The following OTOGL variants were observed in gnomAD, a reference collection of about 807,000 sequenced individuals.
OTOGL encodes otogelin-like protein.
Under a neutral mutation model 318.5 loss-of-function variants are expected in OTOGL, and 285 were observed. The observed-to-expected ratio is 0.89, with a 90% CI of 0.81 to 0.99. The LOEUF is 0.99. Among genes scored for constraint, OTOGL ranks in the 50% least tolerant of loss-of-function variants. The pLI is 0.00. For missense variants in OTOGL, 2,899 were observed against 2,845.6 expected (o/e 1.02, Z -0.43); for synonymous variants, 987 against 936.5 (o/e 1.05, Z -0.99).
intron 22 of OTOGL, among the ~76,000 whole-genome samples, chr12:80,269,257 A>G (rs567891300): frequency 6.6e-6 from 1 of 152,258 alleles, no homozygotes; most frequent in East Asian, 1.9e-4. Flanking sequence ...TGAAAGAAAA[A>G]CTGTATTGGA....
chr12:80,267,792 A>C (rs1454137555), intron 22 of OTOGL, among the ~76,000 whole-genome samples: 3 of 152,084 alleles, frequency 2.0e-5, no homozygotes, highest in Non-Finnish European at 4.4e-5. Flanking sequence ...TATACATAAT[A>C]CATGCATATA....
At chr12:80,239,064 AAACAC>A in intron 10 of OTOGL, 86 bp downstream of exon 10, 1 of 1,355,302 alleles carries the variant, frequency 7.4e-7, no homozygotes, top group Non-Finnish European at 9.7e-7. Context: ...TTTTTAGTGT[AAACAC>A]AACATAATTT....
chr12:80,375,487 G>A (rs904443882), intron 57 of OTOGL, among the ~76,000 whole-genome samples: 4 of 152,206 alleles, frequency 2.6e-5, no homozygotes, highest in Non-Finnish European at 5.9e-5. Context: ...GTCATTTAGT[G>A]ATGAGTGGTA....
chr12:80,355,693 G>T (rs1381549872), intron 46 of OTOGL, 43 bp from the exon 47 acceptor site: 1 of 1,507,966 alleles, frequency 6.6e-7, no homozygotes, highest in Admixed American at 1.9e-5. Context: ...ATTTATTTTA[G>T]TGCCCAGGTT....
intron 32 of OTOGL, among the ~76,000 whole-genome samples, chr12:80,315,364 G>A (rs183307850): frequency 1.3e-5 from 2 of 152,252 alleles, no homozygotes; most frequent in African/African-American, 2.4e-5. Context: ...ATCCAGATTT[G>A]CAATAAGAAA....
chr12:80,188,545 AAAT>A (rs952811334), intron 1 of OTOGL, among the ~76,000 whole-genome samples: 28 of 148,896 alleles, frequency 1.9e-4, no homozygotes, highest in South Asian at 4.2e-4. Context: ...CTCAAAAAAA[AAAT>A]AATAATAATA....
chr12:80,351,659 G>A (rs544955598), intron 44 of OTOGL, among the ~76,000 whole-genome samples: 1 of 152,254 alleles, frequency 6.6e-6, no homozygotes, highest in South Asian at 2.1e-4. Flanking sequence ...ACTTTGGCCT[G>A]TGTCAGAATT....
Position 80,336,302 on chromosome 12 carries a change from G to C in OTOGL, c.4601-111G>C, listed in dbSNP as rs1888395927. On this transcript the variant is annotated intron_variant, in intron 39 of 58. Coordinates refer to ENST00000547103, the MANE Select transcript of OTOGL (RefSeq NM_001378609.3). The stretch of plus-strand genomic sequence containing the variant: ...CTCACAGTATATAACTTTTAGAGTT[G>C]CTTCTTGTCAGACATAATAAGGCTA... The C allele has an allele frequency of 5.2e-6, 7 of 1,345,210 alleles. No individual in the cohort carries two copies. The Middle Eastern group carries it at 8.8e-4, about 169-fold the overall frequency. 83.3% of individuals were successfully genotyped at this position (1,345,210 alleles called of 1,614,324 possible). A position where few individuals can be genotyped will look rare whatever the true frequency, so the allele number is the denominator to read the frequency against.
rs113680888 is a variant in OTOGL, at chr12:80,203,396, A to G, written c.-19-6017A>G. On this transcript the variant is annotated intron_variant, in intron 1 of 58. Coordinates refer to ENST00000547103, the MANE Select transcript of OTOGL (RefSeq NM_001378609.3). ...ACTTATAATCCAGGATAATCTCCCC[A>G]TCTTGAAATCCTTAATCATATCTGT... Among the ~76,000 whole-genome samples, 821 of 151,738 alleles carry G rather than the reference A, an allele frequency of 5.4e-3. 7 individuals carry two copies. Among genetic ancestry groups the G allele is most frequent in the African/African-American group, 0.019 (770 of 41,322 alleles).
chr12:80,241,503 T>C (rs896059296), intron 11 of OTOGL, among the ~76,000 whole-genome samples: 1 of 152,224 alleles, frequency 6.6e-6, no homozygotes, highest in Admixed American at 6.5e-5. Context: ...AGGTAGGCCA[T>C]AGTCCTTATT....
intron 3 of OTOGL, 24 bp downstream of exon 3, chr12:80,210,910 T>A (rs1237244884): frequency 6.9e-7 from 1 of 1,449,520 alleles, no homozygotes. Flanking sequence ...GTTCTTCGTG[T>A]CCTCTAAAAC....
chr12:80,355,587 G>T (rs1889837062), intron 46 of OTOGL, 149 bp from the exon 47 acceptor site: 1 of 622,432 alleles, frequency 1.6e-6, no homozygotes, highest in African/African-American at 1.9e-5. Context: ...TAAGTTAGTG[G>T]TGATGAAAGA....
Position 80,370,616 on chromosome 12 carries a change from A to T in OTOGL, c.6662A>T (p.Lys2221Ile). ...AATTGCACCACATATGAATGTGTTA[A>T]AACTGATGAAGGAGCAATAATTCTG... ...HYNCTTYECVKTDEGAIILNY... is the reference protein window; with the variant it reads ...HYNCTTYECVITDEGAIILNY... Residue 2221 changes from lysine to isoleucine, a missense_variant, in exon 56 of 59, where the codon AAA becomes ATA. By Grantham distance (102) the Lys-to-Ile change is moderately radical (BLOSUM62 -3). Coordinates refer to ENST00000547103, the MANE Select transcript of OTOGL (RefSeq NM_001378609.3). The T allele has an allele frequency of 6.3e-7, 1 of 1,588,992 alleles. No individual in the cohort carries two copies. The highest frequency in any genetic ancestry group is 8.6e-7 in the Non-Finnish European group (1 of 1,165,330).
chr12:80,376,725 G>T (rs1205420674), intron 57 of OTOGL, among the ~76,000 whole-genome samples: 2 of 151,918 alleles, frequency 1.3e-5, no homozygotes, highest in East Asian at 3.9e-4. Flanking sequence ...TATATATGTA[G>T]TTATGCATTA....
intron 1 of OTOGL, among the ~76,000 whole-genome samples, 186 bp downstream of exon 1, chr12:80,099,791 A>C (rs1035118808): frequency 6.6e-6 from 1 of 152,204 alleles, no homozygotes; most frequent in African/African-American, 2.4e-5. Context: ...AAACAGCTCA[A>C]GAATGACCTG....
intron 1 of OTOGL, among the ~76,000 whole-genome samples, chr12:80,153,110 C>T (rs563317283): frequency 4.2e-4 from 64 of 152,256 alleles, no homozygotes; most frequent in Non-Finnish European, 1.3e-4. Flanking sequence ...TGTATTAACC[C>T]TTTTGGACTG....
At chr12:80,255,801 A>G (rs1303375626) in intron 16 of OTOGL, among the ~76,000 whole-genome samples, 1 of 151,900 alleles carries the variant, frequency 6.6e-6, no homozygotes, top group Non-Finnish European at 1.5e-5. Flanking sequence ...TTTTAGTTCT[A>G]TTCTAATAGA....
chr12:80,122,770 T>C (rs1870562452), intron 1 of OTOGL, among the ~76,000 whole-genome samples: 1 of 152,148 alleles, frequency 6.6e-6, no homozygotes, highest in South Asian at 2.1e-4. Context: ...AGCAGGATAG[T>C]CATTTTTCAT....
At chr12:80,108,868 A>G (rs867815798) in intron 1 of OTOGL, among the ~76,000 whole-genome samples, 6 of 139,392 alleles carry the variant, frequency 4.3e-5, no homozygotes, top group African/African-American at 1.6e-4. Context: ...GTGTATATAT[A>G]TGTGTATATA....
Sources: allele counts gnomAD v4.1 joint callset (sites outside exome capture counted in the v4.1 genomes callset), GRCh38; gene constraint gnomAD v4.1.1; transcripts MANE v1.5; gene names NCBI Gene and HGNC (gene_info 2026-07-23, HGNC 2026-07-21).